Variants in SHISA6 observed in about 807,000 individuals in gnomAD.
SHISA6 encodes protein shisa-6.
A neutral mutation model predicts 47.9 loss-of-function variants in SHISA6; 22 were observed. The ratio of observed to expected loss-of-function variants is 0.46; its 90% CI spans 0.33 to 0.66. The LOEUF (loss-of-function observed/expected upper bound fraction) is 0.66, where lower values mean the gene tolerates loss of function less well. Among genes scored for constraint, SHISA6 ranks in the 30% least tolerant of loss-of-function variants. The probability of loss-of-function intolerance (pLI) is 0.02; values close to 1 mark genes in which losing one functional copy is unlikely to be tolerated. For synonymous variants in SHISA6, 388 were observed against 337.8 expected (o/e 1.15, Z -1.63); for missense variants, 680 against 764.6 (o/e 0.89, Z 1.30).
At chr17:11,423,996 T>G (rs916187572) in intron 3 of SHISA6, among the ~76,000 whole-genome samples, 1 of 152,178 alleles carries the variant, frequency 6.6e-6, no homozygotes, top group Non-Finnish European at 1.5e-5. Flanking sequence ...GTGAGGAAAT[T>G]AGATTGCAAA....
chr17:11,436,650 G>A (rs966601254), intron 3 of SHISA6, among the ~76,000 whole-genome samples: 5 of 152,176 alleles, frequency 3.3e-5, no homozygotes, highest in African/African-American at 1.2e-4. Flanking sequence ...GCACTCTCAT[G>A]AACTTCACTA....
intron 2 of SHISA6, among the ~76,000 whole-genome samples, chr17:11,336,573 C>G (rs772790345): frequency 6.6e-6 from 1 of 152,160 alleles, no homozygotes; most frequent in Non-Finnish European, 1.5e-5. Flanking sequence ...AGCTTCTCAA[C>G]GTCACACGCC....
At chr17:11,265,516 A>T (rs1193388491) in intron 2 of SHISA6, among the ~76,000 whole-genome samples, 1 of 152,172 alleles carries the variant, frequency 6.6e-6, no homozygotes, top group Admixed American at 6.5e-5. Context: ...TGGGAGTTGC[A>T]TAGAGGCACC....
chr17:11,546,884 G>A (rs777902549), intron 3 of SHISA6, among the ~76,000 whole-genome samples: 1 of 151,982 alleles, frequency 6.6e-6, no homozygotes, highest in Non-Finnish European at 1.5e-5. Context: ...TTGCGCCACG[G>A]CGCCACTGTA....
At chr17:11,320,668 AAAGAGAGAG>A (rs1567571861) in intron 2 of SHISA6, among the ~76,000 whole-genome samples, 1 of 148,286 alleles carries the variant, frequency 6.7e-6, no homozygotes, top group African/African-American at 2.5e-5. Flanking sequence ...CCAAAAAAAA[AAAGAGAGAG>A]AGAGAGAGAG....
At chr17:11,539,515 G>T (rs959315684) in intron 3 of SHISA6, among the ~76,000 whole-genome samples, 1 of 152,158 alleles carries the variant, frequency 6.6e-6, no homozygotes, top group Admixed American at 6.5e-5. Flanking sequence ...GTACCACAGA[G>T]TCAACTGCCC....
At chr17:11,253,932 C>G (rs1597423173) in intron 1 of SHISA6, among the ~76,000 whole-genome samples, 3 of 152,262 alleles carry the variant, frequency 2.0e-5, no homozygotes, top group African/African-American at 7.2e-5. Flanking sequence ...TGCCTTGGCT[C>G]TCTCTGTGGT....
In SHISA6 at chr17:11,263,319, G is replaced by A. The variant is rs1318364738; in HGVS notation, c.639-47G>A. 11 of 1,545,076 alleles carry A rather than the reference G, an allele frequency of 7.1e-6. No individual in the cohort carries two copies. In the Admixed American group the frequency reaches 1.8e-4, roughly 25 times the overall value. On this transcript the variant is annotated intron_variant, in intron 1 of 5. Coordinates refer to ENST00000441885, the MANE Select transcript of SHISA6 (RefSeq NM_207386.4). The stretch of plus-strand genomic sequence containing the variant: ...GTAAGCCAACTCCCCTCATGGTTGT[G>A]CACACCTGCTCAGTGAATCTCATTA...
At chr17:11,388,788 GTTTA>G (rs1284497654) in intron 3 of SHISA6, among the ~76,000 whole-genome samples, 1 of 49,078 alleles carries the variant, frequency 2.0e-5, no homozygotes, top group Non-Finnish European at 3.9e-5. Flanking sequence ...TCAAACAAAA[GTTTA>G]TATATATATA....
intron 3 of SHISA6, among the ~76,000 whole-genome samples, chr17:11,440,041 G>A (rs1281699676): frequency 6.6e-6 from 1 of 152,164 alleles, no homozygotes; most frequent in Non-Finnish European, 1.5e-5. Flanking sequence ...TGAGGGTCCT[G>A]GGTCTGCTAA....
intron 3 of SHISA6, among the ~76,000 whole-genome samples, chr17:11,438,332 G>A (rs1328428386): frequency 1.3e-5 from 2 of 152,140 alleles, no homozygotes; most frequent in Non-Finnish European, 2.9e-5. Flanking sequence ...GTTTGCCAGG[G>A]CTGCCATAAC....
Position 11,558,189 on chromosome 17 carries a change from C to T in SHISA6, c.1541C>T (p.Thr514Met), listed in dbSNP as rs549533522. 64 of 1,545,408 alleles carry T rather than the reference C, an allele frequency of 4.1e-5. No homozygotes were observed. The highest frequency in any genetic ancestry group is 3.3e-4 in the Middle Eastern group (2 of 5,992). The stretch of plus-strand genomic sequence containing the variant: ...TACGCCACCCTGGGCCAGAGCCAGA[C>T]GGCAGCCAAGCGTCATGCCTTTGCC... ...NSYATLGQSQ[T>M]AAKRHAFASR... The change falls in exon 6 of 6, where the codon ACG (threonine) becomes ATG (methionine). Residue 514 changes from threonine to methionine, a missense_variant. Thr to Met is a moderately conservative substitution (Grantham distance 81). This residue lies in a region of SHISA6 where 559 missense variants were observed against 674.1 expected (regional missense o/e 0.83). Transcript: ENST00000441885.
At chr17:11,458,041 C>T (rs1346713929) in intron 3 of SHISA6, among the ~76,000 whole-genome samples, 3 of 148,060 alleles carry the variant, frequency 2.0e-5, no homozygotes, top group Non-Finnish European at 3.0e-5. Flanking sequence ...GCCGAGATCA[C>T]GCCACTGCAC....
chr17:11,439,320 C>T (rs1482903958), intron 3 of SHISA6, among the ~76,000 whole-genome samples: 1 of 152,132 alleles, frequency 6.6e-6, no homozygotes, highest in East Asian at 1.9e-4. Context: ...GCTAGAATAA[C>T]GTACATCTAC....
intron 5 of SHISA6, among the ~76,000 whole-genome samples, chr17:11,556,786 G>GC (rs1373712419): frequency 6.6e-6 from 1 of 152,142 alleles, no homozygotes; most frequent in African/African-American, 2.4e-5. Context: ...TGCACCAACT[G>GC]AAGAGCAGAC....
intron 2 of SHISA6, among the ~76,000 whole-genome samples, chr17:11,345,647 T>C (rs1269393573): frequency 6.6e-6 from 1 of 152,150 alleles, no homozygotes; most frequent in Non-Finnish European, 1.5e-5. Flanking sequence ...TTAATTTCTT[T>C]CTGCAATGTT....
chr17:11,289,617 A>G (rs1597441902), intron 2 of SHISA6: 1 of 140,074 alleles, frequency 7.1e-6, no homozygotes, highest in Non-Finnish European at 1.5e-5. Flanking sequence ...CACACACAAT[A>G]TTTTCCATTT....
At chr17:11,313,015 T>G (rs1445287791) in intron 2 of SHISA6, among the ~76,000 whole-genome samples, 3 of 152,182 alleles carry the variant, frequency 2.0e-5, no homozygotes, top group Non-Finnish European at 4.4e-5. Flanking sequence ...GTGTAAAAAT[T>G]CCCACCATGG....
chr17:11,345,404 T>C (rs560222765), intron 2 of SHISA6, among the ~76,000 whole-genome samples: 5 of 152,272 alleles, frequency 3.3e-5, no homozygotes, highest in African/African-American at 1.2e-4. Flanking sequence ...ACTTTTGAAA[T>C]TGGAAAGTAT....
Sources: allele counts gnomAD v4.1 joint callset (sites outside exome capture counted in the v4.1 genomes callset), GRCh38; gene constraint gnomAD v4.1.1; regional missense constraint gnomAD v4.1.1; transcripts MANE v1.5; gene names NCBI Gene and HGNC (gene_info 2026-07-23, HGNC 2026-07-21).